Variants in STS observed in about 807,000 individuals in gnomAD.
STS encodes steryl-sulfatase.
STS carries 7 observed loss-of-function variants against 26.8 expected under a neutral mutation model. The ratio of observed to expected loss-of-function variants is 0.26; its 90% CI spans 0.15 to 0.49. The LOEUF (loss-of-function observed/expected upper bound fraction) is 0.49. STS is among the 20% of genes least tolerant of loss of function. The pLI is 0.98. For synonymous variants in STS, 199 were observed against 189.4 expected (o/e 1.05, Z -0.42); for missense variants, 434 against 465.6 (o/e 0.93, Z 0.63).
chrX:7,324,932 C>G (rs1927326905), intron 8 of STS, among the ~76,000 whole-genome samples: 1 of 111,512 alleles, frequency 9.0e-6, no homozygotes, highest in Admixed American at 9.5e-5. Flanking sequence ...CCCATTTCCC[C>G]AGGCTCCAGG....
chrX:7,272,542 A>G (rs182158755), intron 6 of STS, among the ~76,000 whole-genome samples: 40 of 112,157 alleles, frequency 3.6e-4, no homozygotes, highest in African/African-American at 1.1e-3. Context: ...CTTCTAAGTA[A>G]CAAGAGACTT....
intron 9 of STS, among the ~76,000 whole-genome samples, chrX:7,327,696 C>G (rs985563567): frequency 1.8e-5 from 2 of 111,268 alleles, no homozygotes; most frequent in African/African-American, 6.5e-5. Flanking sequence ...AGTTCATATT[C>G]TTGTCATCAC....
intron 9 of STS, among the ~76,000 whole-genome samples, chrX:7,330,107 A>C (rs1927675764): frequency 8.9e-6 from 1 of 111,964 alleles, no homozygotes; most frequent in African/African-American, 3.2e-5. Context: ...GGGCATATTC[A>C]GAAAAATTAT....
At chrX:7,320,760 A>G (rs1435865888) in intron 8 of STS, among the ~76,000 whole-genome samples, 1 of 111,985 alleles carries the variant, frequency 8.9e-6, no homozygotes, top group Non-Finnish European at 1.9e-5. Flanking sequence ...TCTGTGAAGC[A>G]GGAATCACAG....
intron 2 of STS, among the ~76,000 whole-genome samples, chrX:7,203,811 G>A (rs1934121982): frequency 1.8e-5 from 2 of 110,682 alleles, no homozygotes; most frequent in South Asian, 7.7e-4. Context: ...GAGAGACAGG[G>A]TCCTGCTCTG....
chrX:7,318,433 T>A (rs1926818444), intron 8 of STS, among the ~76,000 whole-genome samples: 1 of 111,758 alleles, frequency 8.9e-6, no homozygotes, highest in Non-Finnish European at 1.9e-5. Context: ...TGTGTGATCA[T>A]GCTTCCTCCA....
At chrX:7,256,452 G>A (rs1366206273) in intron 3 of STS, among the ~76,000 whole-genome samples, 2 of 111,804 alleles carry the variant, frequency 1.8e-5, no homozygotes, top group African/African-American at 6.5e-5. Context: ...CTCACTGGTT[G>A]AGGCACATGG....
chrX:7,228,705 ACAGAAG>A (rs1362205130), intron 2 of STS, among the ~76,000 whole-genome samples: 1 of 112,149 alleles, frequency 8.9e-6, no homozygotes, highest in Non-Finnish European at 1.9e-5. Context: ...CCTTTGCTGC[ACAGAAG>A]CTTGTTAGTT....
intron 6 of STS, among the ~76,000 whole-genome samples, chrX:7,274,635 A>G (rs1338911904): frequency 1.8e-5 from 2 of 111,971 alleles, no homozygotes; most frequent in Non-Finnish European, 3.8e-5. Context: ...CTCACAGCCC[A>G]TTGTAGCAAA....
chrX:7,214,955 A>G (rs1352038615), intron 2 of STS, among the ~76,000 whole-genome samples: 6 of 87,782 alleles, frequency 6.8e-5, no homozygotes, highest in African/African-American at 1.7e-4. Flanking sequence ...ATATATACGT[A>G]TATATATATT....
Position 7,215,001 on chromosome X carries a change from C to T in STS, c.-5+23993C>T, listed in dbSNP as rs1383434830. 7.0e-3 allele frequency among the ~76,000 whole-genome samples: 382 copies of T among 54,634 alleles called. 16 individuals carry two copies. The highest frequency in any genetic ancestry group is 0.01 in the Non-Finnish European group (321 of 31,132). 47.4% of individuals were successfully genotyped at this position (54,634 alleles called of 115,157 possible). A position where few individuals can be genotyped will look rare whatever the true frequency, so the allele number is the denominator to read the frequency against. On this transcript the variant is annotated intron_variant, in intron 2 of 10. Transcript: ENST00000674429. ...ATATACATATATATACGTATATATA[C>T]ATATATACGTATATATATATATTAT...
At chrX:7,153,413 CCT>C (rs1480666756) in intron 1 of STS, among the ~76,000 whole-genome samples, 1 of 101,043 alleles carries the variant, frequency 9.9e-6, no homozygotes, top group African/African-American at 3.8e-5. Flanking sequence ...CTCCTGTCTT[CCT>C]CCTGTCCTCC....
At chrX:7,238,126 GTGT>G (rs1271779986) in intron 2 of STS, among the ~76,000 whole-genome samples, 1 of 21,858 alleles carries the variant, frequency 4.6e-5, no homozygotes, top group African/African-American at 1.2e-4. Flanking sequence ...TCCATGGTGT[GTGT>G]GTGTGTGTGT....
intron 10 of STS, among the ~76,000 whole-genome samples, chrX:7,339,301 G>A (rs1395658388): frequency 1.8e-5 from 2 of 111,847 alleles, no homozygotes; most frequent in African/African-American, 3.2e-5. Flanking sequence ...GACCTAATGT[G>A]AGATGCAGCA....
chrX:7,204,885 C>T (rs1298940565), intron 2 of STS, among the ~76,000 whole-genome samples: 1 of 107,901 alleles, frequency 9.3e-6, no homozygotes, highest in Admixed American at 1.0e-4. Context: ...CCTTCCTTTC[C>T]CTTATTCCTC....
intron 1 of STS, among the ~76,000 whole-genome samples, chrX:7,164,849 A>G (rs1933317824): frequency 9.3e-6 from 1 of 107,725 alleles, no homozygotes; most frequent in African/African-American, 3.4e-5. Context: ...CTTTACAAAA[A>G]AAAAAAACAC....
chrX:7,303,456 C>G (rs1204876340), intron 7 of STS, among the ~76,000 whole-genome samples: 4 of 111,060 alleles, frequency 3.6e-5, no homozygotes, highest in African/African-American at 1.3e-4. Context: ...GGATAAGGGT[C>G]TCTTGCATGC....
At chrX:7,175,569 T>G (rs1225388913) in intron 1 of STS, among the ~76,000 whole-genome samples, 1 of 111,794 alleles carries the variant, frequency 8.9e-6, no homozygotes, top group Non-Finnish European at 1.9e-5. Flanking sequence ...TGGGAAGGAA[T>G]AAATGACATG....
intron 2 of STS, among the ~76,000 whole-genome samples, chrX:7,210,394 T>C (rs1305317564): frequency 4.6e-5 from 5 of 109,766 alleles, no homozygotes; most frequent in African/African-American, 1.7e-4. Context: ...CATTTACTTA[T>C]ATATATCTAT....
Sources: gnomAD v4.1 joint callset for allele counts (sites outside exome capture counted in the v4.1 genomes callset) on GRCh38, gnomAD v4.1.1 for gene constraint, MANE v1.5 for transcripts, NCBI Gene and HGNC (gene_info 2026-07-23, HGNC 2026-07-21) for gene names.